Variants in ACSM2B observed in about 807,000 individuals in gnomAD.
The protein encoded by ACSM2B is acyl-coenzyme A synthetase ACSM2B, mitochondrial.
In ACSM2B, 58 loss-of-function variants were observed where a neutral mutation model predicts 78.6. The ratio of observed to expected loss-of-function variants is 0.74; its 90% confidence interval spans 0.60 to 0.92. The LOEUF is 0.92. Ranked by LOEUF, ACSM2B falls within the 40% of genes least tolerant of loss-of-function variation. The pLI, the probability that ACSM2B is intolerant of heterozygous loss-of-function variation, is 0.00. For synonymous variants in ACSM2B, 257 were observed against 256.8 expected, an observed-to-expected ratio of 1.00 and a Z score of -0.01; for missense variants, 688 against 711.2, an observed-to-expected ratio of 0.97 and a Z score of 0.37.
intron 6 of ACSM2B, among the ~76,000 whole-genome samples, chr16:20,551,536 GGCACCCT>G (rs1156815991): frequency 1.3e-5 from 2 of 151,950 alleles, no homozygotes; most frequent in African/African-American, 4.8e-5. Flanking sequence ...CAATTATGCT[GGCACCCT>G]GATCTCAGAC....
intron 2 of ACSM2B, 42 bp from the exon 3 acceptor site, chr16:20,559,489 A>C (rs750935994): frequency 2.5e-6 from 4 of 1,599,198 alleles, no homozygotes; most frequent in African/African-American, 1.3e-5. Context: ...GCATTGGTAC[A>C]CAAGCAGGTA....
chr16:20,543,561 T>A (rs561846409), intron 10 of ACSM2B, among the ~76,000 whole-genome samples: 59 of 152,320 alleles, frequency 3.9e-4, no homozygotes, highest in African/African-American at 1.4e-3. Flanking sequence ...ATTGATTCCA[T>A]CTCTCCTTTC....
At chr16:20,561,433 C>G (rs868514611) in intron 2 of ACSM2B, among the ~76,000 whole-genome samples, 7 of 151,024 alleles carry the variant, frequency 4.6e-5, no homozygotes, top group Admixed American at 2.0e-4. Flanking sequence ...AGAGAGAGAG[C>G]GTGGGGAAGT....
chr16:20,563,327 T>A (rs1380500857), intron 2 of ACSM2B, among the ~76,000 whole-genome samples: 1 of 152,172 alleles, frequency 6.6e-6, no homozygotes, highest in East Asian at 1.9e-4. Context: ...TTGCCTGGTT[T>A]TATAATGAAT....
At chr16:20,566,969 T>C (rs2015915251) in intron 1 of ACSM2B, among the ~76,000 whole-genome samples, 1 of 121,610 alleles carries the variant, frequency 8.2e-6, no homozygotes, top group African/African-American at 3.0e-5. Flanking sequence ...TTATATATTA[T>C]ATATTATATA....
At position 20,536,929 on chromosome 16, in the gene ACSM2B, C is replaced by T. The variant is rs71384477; in HGVS notation, c.*329G>A. ...TTCTCCCCCTTTCATCTCCTCTTTCCTTTCTTCCTCCTTCCCTTGCTTCCT... is the reference window on the plus strand; with the variant it reads ...TTCTCCCCCTTTCATCTCCTCTTTCTTTTCTTCCTCCTTCCCTTGCTTCCT... On this transcript the variant is annotated 3_prime_UTR_variant, in exon 14 of 14. Transcript: ENST00000329697. The T allele has an allele frequency of 0.37, 72,982 of 198,560 alleles. 16,385 individuals carry two copies. Among genetic ancestry groups the T allele is most frequent in the Non-Finnish European group, 0.49 (48,313 of 99,180 alleles). 12.3% of individuals were successfully genotyped at this position (198,560 alleles called of 1,614,324 possible).
chr16:20,545,176 C>A lies in ACSM2B; in HGVS notation c.1262G>T (p.Gly421Val), dbSNP rs138313327. 1.2e-6 allele frequency: 2 copies of A among 1,613,006 alleles called. No individual in the cohort carries two copies. Among genetic ancestry groups the A allele is most frequent in the African/African-American group, 1.3e-5 (1 of 75,028 alleles). The change falls in exon 10 of 14, where the codon GGC (glycine) becomes GTC (valine). Residue 421 changes from glycine (G) to valine (V), a missense_variant. Coordinates refer to ENST00000329697, the MANE Select transcript of ACSM2B (RefSeq NM_001105069.2). ...GIRVKPIRPI[G>V]IFSGYVENPD... ...TCTCACCACATAGCCAGAGAAGATG[C>A]CTATAGGCCTGATGGGTTTGACCCT...
intron 1 of ACSM2B, among the ~76,000 whole-genome samples, chr16:20,567,651 T>C (rs1009720357): frequency 2.5e-4 from 35 of 137,480 alleles, no homozygotes; most frequent in African/African-American, 8.8e-4. Context: ...TATACTATGC[T>C]ATTATATATA....
chr16:20,562,169 A>G (rs937837700), intron 2 of ACSM2B, among the ~76,000 whole-genome samples: 7 of 151,918 alleles, frequency 4.6e-5, no homozygotes, highest in Non-Finnish European at 8.8e-5. Context: ...TGGCAATTCT[A>G]TTTTTTAATT....
At chr16:20,566,920 A>T (rs1227177299) in intron 1 of ACSM2B, among the ~76,000 whole-genome samples, 1 of 118,376 alleles carries the variant, frequency 8.4e-6, no homozygotes, top group East Asian at 2.3e-4. Flanking sequence ...GTATAGTTAT[A>T]TATATCTGTA....
rs2014862360 is a variant in ACSM2B at position 20,537,097 on chromosome 16, T to C, written c.*161A>G. 1 of 792,496 alleles carries C rather than the reference T, an allele frequency of 1.3e-6. No homozygotes were observed. Among genetic ancestry groups the C allele is most frequent in the South Asian group, 2.1e-5 (1 of 47,338 alleles). 49.1% of individuals were successfully genotyped at this position (792,496 alleles called of 1,614,324 possible). ...TCATTCCTTCCCTTTCTTATTTCAA[T>C]ATCTAACATAGTAATGTTTTGTGCT... On this transcript the variant is annotated 3_prime_UTR_variant, in exon 14 of 14. Coordinates refer to ENST00000329697, the MANE Select transcript of ACSM2B (RefSeq NM_001105069.2).
Position 20,547,292 on chromosome 16 carries a change from A to G in ACSM2B, c.1098+770T>C, listed in dbSNP as rs1463029561. 8.1e-6 allele frequency: 8 copies of G among 985,288 alleles called. No individual in the cohort carries two copies. The Admixed American group carries it at 4.9e-4, about 61-fold the overall frequency. 61.0% of individuals were successfully genotyped at this position (985,288 alleles called of 1,614,324 possible). Reference sequence around the variant, plus strand: ...AGGCCCCTGCCAGGGTATGCTTGCCACAACTCCATTGTCCTTATTCATATT... The same window carrying G: ...AGGCCCCTGCCAGGGTATGCTTGCCGCAACTCCATTGTCCTTATTCATATT... On this transcript the variant is annotated intron_variant, in intron 8 of 13. Coordinates refer to ENST00000329697, the MANE Select transcript of ACSM2B (RefSeq NM_001105069.2).
chr16:20,568,084 C>T (rs1596737982), intron 1 of ACSM2B, among the ~76,000 whole-genome samples: 1 of 142,444 alleles, frequency 7.0e-6, no homozygotes, highest in African/African-American at 2.5e-5. Context: ...CCATACTATA[C>T]TGCCTTCACA....
intron 6 of ACSM2B, among the ~76,000 whole-genome samples, chr16:20,548,791 C>G (rs957239786): frequency 1.1e-4 from 17 of 152,118 alleles, no homozygotes; most frequent in Non-Finnish European, 2.2e-4. Flanking sequence ...GAGTATATCA[C>G]CCCCCAGCAA....
chr16:20,553,735 C>T (rs1188489435), intron 5 of ACSM2B, 42 bp downstream of exon 5: 1 of 1,597,034 alleles, frequency 6.3e-7, no homozygotes. Context: ...GTCTTCATGC[C>T]TGGTCATGCA....
chr16:20,542,394 G>C (rs2015019860), intron 12 of ACSM2B: 1 of 152,870 alleles, frequency 6.5e-6, no homozygotes, highest in Admixed American at 6.5e-5. Context: ...TTAACATAAT[G>C]ACCTCCAGTT....
intron 2 of ACSM2B, among the ~76,000 whole-genome samples, chr16:20,563,500 A>G (rs1172723380): frequency 6.6e-6 from 1 of 152,088 alleles, no homozygotes; most frequent in Non-Finnish European, 1.5e-5. Context: ...TAGCAAATTT[A>G]CTTTTATGGA....
chr16:20,567,535 T>A (rs2152147374), intron 1 of ACSM2B, among the ~76,000 whole-genome samples: 1 of 124,532 alleles, frequency 8.0e-6, no homozygotes, highest in African/African-American at 3.1e-5. Context: ...ATATAAATAG[T>A]ATATAATATA....
intron 4 of ACSM2B, 147 bp downstream of exon 4, chr16:20,555,122 T>G: frequency 7.4e-7 from 1 of 1,346,436 alleles, no homozygotes; most frequent in Non-Finnish European, 1.0e-6. Flanking sequence ...AAAAAACCCT[T>G]GTATTAGCTT....
Sources: allele counts gnomAD v4.1 joint callset (sites outside exome capture counted in the v4.1 genomes callset), GRCh38; gene constraint gnomAD v4.1.1; transcripts MANE v1.5; gene names NCBI Gene and HGNC (gene_info 2026-07-23, HGNC 2026-07-21).